SLC23A1: variants seen among roughly 807,000 people sequenced by gnomAD.
SLC23A1 encodes solute carrier family 23 member 1, also known as Na(+)/L-ascorbic acid transporter 1.
In SLC23A1, 31 loss-of-function variants were observed where a neutral mutation model predicts 62.5. The observed-to-expected ratio is 0.50, with a 90% CI of 0.37 to 0.67. SLC23A1 has a LOEUF of 0.67. SLC23A1 is among the 30% of genes least tolerant of loss of function. The probability of loss-of-function intolerance (pLI) is 0.00; values close to 1 mark genes in which losing one functional copy is unlikely to be tolerated. For synonymous variants in SLC23A1, 271 were observed against 313.2 expected, an observed-to-expected ratio of 0.87 and a Z score of 1.42; for missense variants, 640 against 782.7, an observed-to-expected ratio of 0.82 and a Z score of 2.18.
chr5:139,373,734 T>G (rs1757802564), intron 13 of SLC23A1, among the ~76,000 whole-genome samples: 2 of 151,832 alleles, frequency 1.3e-5, no homozygotes, highest in South Asian at 4.1e-4. Flanking sequence ...GAAGAGACAC[T>G]GTTTGGGCTT....
chr5:139,374,661 A>C (rs1028135605), intron 13 of SLC23A1, among the ~76,000 whole-genome samples: 3 of 152,192 alleles, frequency 2.0e-5, no homozygotes, highest in African/African-American at 7.2e-5. Flanking sequence ...CTTATGTGGC[A>C]TGACACACAG....
At position 139,378,987 on chromosome 5, in the gene SLC23A1, T is replaced by C. The variant is rs942412131; in HGVS notation, c.1073+220A>G. 5.3e-5 allele frequency among the ~76,000 whole-genome samples: 8 copies of C among 152,192 alleles called. No individual in the cohort carries two copies. The highest frequency in any genetic ancestry group is 1.7e-4 in the African/African-American group (7 of 41,442). On this transcript the variant is annotated intron_variant, in intron 9 of 14. Coordinates refer to ENST00000348729, the MANE Select transcript of SLC23A1 (RefSeq NM_005847.5). This position sits in a 1 kb window ranked among gnomAD's most constrained non-coding sequence, Gnocchi z 4.5. ...AGCCGGGCACATGGAGGGCTGTCAA[T>C]GACGGTGGTTCCCTTTGGACTCCAC...
intron 13 of SLC23A1, 38 bp downstream of exon 13, chr5:139,377,364 G>C: frequency 8.9e-7 from 1 of 1,122,844 alleles, no homozygotes; most frequent in Non-Finnish European, 1.4e-6. Context: ...CATGAGTCCA[G>C]CCTAGTTCTT....
chr5:139,373,808 GCACA>G (rs1417661540), intron 13 of SLC23A1, among the ~76,000 whole-genome samples: 1 of 152,148 alleles, frequency 6.6e-6, no homozygotes, highest in African/African-American at 2.4e-5. Context: ...TGTACAAAGG[GCACA>G]CACAGTGGGC....
At chr5:139,371,521 G>T (rs1040864327) in intron 14 of SLC23A1, among the ~76,000 whole-genome samples, 2 of 152,154 alleles carry the variant, frequency 1.3e-5, no homozygotes, top group East Asian at 3.8e-4. Flanking sequence ...TGTTTTAAAG[G>T]GTTTTAATTT....
chr5:139,383,207 G>T lies in SLC23A1; in HGVS notation c.36+11C>A. ...CTGCCCCCCCTAGCCCCCACCCCCAGCCCCCAGCACCTGTGTCCGGCCCTC... is the reference window on the plus strand; with the variant it reads ...CTGCCCCCCCTAGCCCCCACCCCCATCCCCCAGCACCTGTGTCCGGCCCTC... On this transcript the variant is annotated intron_variant, in intron 1 of 14. Coordinates refer to ENST00000348729, the MANE Select transcript of SLC23A1 (RefSeq NM_005847.5). 2 of 283,792 alleles carry T rather than the reference G, an allele frequency of 7.0e-6. No homozygotes were observed. The highest frequency in any genetic ancestry group is 5.1e-6 in the Non-Finnish European group (1 of 195,654). The allele number at this position is 283,792 out of a possible 1,614,324, so 17.6% of individuals were successfully genotyped here.
chr5:139,368,819 G>A, intron 14 of SLC23A1: 1 of 1,556,098 alleles, frequency 6.4e-7, no homozygotes, highest in Non-Finnish European at 8.9e-7. Context: ...CCCTCTTTTG[G>A]TGGATGTAGC....
In SLC23A1 at chr5:139,372,333, A is replaced by T; in HGVS notation, c.1550-80T>A. 2 of 1,319,238 alleles carry T rather than the reference A, an allele frequency of 1.5e-6. 1 individual carries two copies. The highest frequency in any genetic ancestry group is 2.7e-5 in the South Asian group (2 of 74,548). The allele number at this position is 1,319,238 out of a possible 1,614,324, so 81.7% of individuals were successfully genotyped here. Reference sequence around the variant, plus strand: ...ACTTCCCATAACCCAGTCCTAAGGCAGACTTCTGGAATCAAGTATCTTCCT... The same window carrying T: ...ACTTCCCATAACCCAGTCCTAAGGCTGACTTCTGGAATCAAGTATCTTCCT... On this transcript the variant is annotated intron_variant, in intron 13 of 14. Coordinates refer to ENST00000348729, the MANE Select transcript of SLC23A1 (RefSeq NM_005847.5).
At chr5:139,381,738 C>T (rs1306725673) in intron 3 of SLC23A1, among the ~76,000 whole-genome samples, 154 bp downstream of exon 3, 3 of 152,076 alleles carry the variant, frequency 2.0e-5, no homozygotes, top group African/African-American at 7.2e-5. Flanking sequence ...GCCACGCTGC[C>T]CAGCTCTAAG....
rs866364914 is a variant in SLC23A1 at position 139,379,692 on chromosome 5, C to T, written c.911G>A (p.Arg304His). ...GTGTTGCTCACAGGGGTAGGGGATG[C>T]GGATCCAGGGTGCAATAGCCATGAT... Reference protein sequence around the residue: ...GDIMAIAPWIRIPYPCQWGLP... With the variant: ...GDIMAIAPWIHIPYPCQWGLP... The change falls in exon 8 of 15, where the codon CGC becomes CAC. Residue 304 changes from arginine (R) to histidine (H), a missense_variant. Arg to His is a conservative substitution (Grantham distance 29). Coordinates refer to ENST00000348729, the MANE Select transcript of SLC23A1 (RefSeq NM_005847.5). The surrounding 1 kb of genome is among the most constrained non-coding windows in gnomAD (Gnocchi z 4.7). 4.3e-6 allele frequency: 7 copies of T among 1,612,658 alleles called. No individual in the cohort carries two copies. The highest frequency in any genetic ancestry group is 2.2e-5 in the East Asian group (1 of 44,848).
At position 139,371,996 on chromosome 5, in the gene SLC23A1, A is replaced by G; in HGVS notation, c.*10T>C. 2 of 1,611,938 alleles carry G rather than the reference A, an allele frequency of 1.2e-6. No individual in the cohort carries two copies. Among genetic ancestry groups the G allele is most frequent in the South Asian group, 2.2e-5 (2 of 91,000 alleles). ...CATAGACACATCCTACCTTTCCTGG[A>G]AGTCATTTTTCAGACCTTGGTGCAC... On this transcript the variant is annotated 3_prime_UTR_variant, in exon 14 of 15. Transcript: ENST00000348729.
rs1368367864 is a variant in SLC23A1 at position 139,382,581 on chromosome 5, T to C, written c.61A>G (p.Thr21Ala). 1 of 1,612,962 alleles carries C rather than the reference T, an allele frequency of 6.2e-7. No individual in the cohort carries two copies. Among genetic ancestry groups the C allele is most frequent in the African/African-American group, 1.3e-5 (1 of 74,924 alleles). Residue 21 changes from threonine (T) to alanine (A), a missense_variant, in exon 2 of 15, where the codon ACC (threonine) becomes GCC (alanine). Physicochemically the swap from Thr to Ala is moderately conservative, Grantham distance 58. Transcript: ENST00000348729. ...TQHETTRDPSTPLPTEPKFDM... is the reference protein window; with the variant it reads ...TQHETTRDPSAPLPTEPKFDM... ...AACTTAGGCTCTGTGGGTAGCGGGG[T>C]CGAGGGGTCCCTGGTGGTTTCATGC...
chr5:139,383,318 G>C, upstream of SLC23A1: 1 of 1,592,986 alleles, frequency 6.3e-7, no homozygotes, highest in Non-Finnish European at 8.6e-7. Context: ...AGGCCAAGGA[G>C]GAGGACTTTA....
intron 14 of SLC23A1, among the ~76,000 whole-genome samples, chr5:139,368,080 A>C (rs1372452243): frequency 6.6e-6 from 1 of 152,230 alleles, no homozygotes; most frequent in Non-Finnish European, 1.5e-5. Flanking sequence ...TTACGCCTGT[A>C]ATCCCAGCAC....
chr5:139,381,205 C>G (rs1758239849), intron 3 of SLC23A1, among the ~76,000 whole-genome samples: 2 of 152,348 alleles, frequency 1.3e-5, no homozygotes, highest in Admixed American at 1.3e-4. Flanking sequence ...CTTCCCCTGT[C>G]CCCCGCTGCT....
At chr5:139,384,240 G>A (rs1758419698), upstream of SLC23A1, 6 of 801,132 alleles carry the variant, frequency 7.5e-6, no homozygotes, top group East Asian at 6.9e-5. Flanking sequence ...ATGGCAGAGG[G>A]GGACATGGGG....
chr5:139,384,237 AG>A (rs1758419441), upstream of SLC23A1: 4 of 781,880 alleles, frequency 5.1e-6, no homozygotes, highest in South Asian at 7.2e-5. Context: ...GAGATGGCAG[AG>A]GGGGACATGG....
In SLC23A1 at chr5:139,379,750, C is replaced by A. The variant is rs1308966083; in HGVS notation, c.853G>T (p.Gly285Cys). 1 of 1,614,004 alleles carries A rather than the reference C, an allele frequency of 6.2e-7. No homozygotes were observed. Among genetic ancestry groups the A allele is most frequent in the South Asian group, 1.1e-5 (1 of 91,078 alleles). The change falls in exon 8 of 15, where the codon GGC (glycine) becomes TGC (cysteine). Residue 285 changes from glycine to cysteine, a missense_variant. Gly to Cys is a radical substitution (Grantham distance 159, BLOSUM62 -3). Transcript: ENST00000348729. This position sits in a 1 kb window ranked among gnomAD's most constrained non-coding sequence, Gnocchi z 4.7. ...CGGGCATCGGTTCGTGCCTGGAAGC[C>A]ATAGGCTTTTGGGTCTGTGGGCAGC... Reference protein sequence around the residue: ...DVLPTDPKAYGFQARTDARGD... With the variant: ...DVLPTDPKAYCFQARTDARGD...
chr5:139,373,154 G>T (rs34460201), intron 13 of SLC23A1, among the ~76,000 whole-genome samples: 59 of 45,080 alleles, frequency 1.3e-3, no homozygotes, highest in Non-Finnish European at 6.8e-3. Context: ...CAAATAATTT[G>T]TTTTTTTGTG....
Sources: gnomAD v4.1 joint callset for allele counts (sites outside exome capture counted in the v4.1 genomes callset) on GRCh38, gnomAD v4.1.1 for gene constraint, Gnocchi (gnomAD v3.1) non-coding constraint, MANE v1.5 for transcripts, NCBI Gene and HGNC (gene_info 2026-07-23, HGNC 2026-07-21) for gene names.